Variants in DIAPH2 observed in about 807,000 individuals in gnomAD.
The protein encoded by DIAPH2 is protein diaphanous homolog 2.
DIAPH2 carries 35 observed loss-of-function variants against 92.7 expected under a neutral mutation model. That is an observed-to-expected ratio of 0.38 (90% CI 0.29 to 0.50). DIAPH2 has a LOEUF of 0.50. Among genes scored for constraint, DIAPH2 ranks in the 20% least tolerant of loss-of-function variants. The pLI is 0.94. For missense variants in DIAPH2, 701 were observed against 819.5 expected, an observed-to-expected ratio of 0.86 and a Z score of 1.77; for synonymous variants, 301 against 280.4, an observed-to-expected ratio of 1.07 and a Z score of -0.73.
intron 1 of DIAPH2, among the ~76,000 whole-genome samples, chrX:96,714,266 T>TG (rs1381724991): frequency 2.3e-3 from 218 of 93,449 alleles, no homozygotes; most frequent in African/African-American, 7.2e-3. Context: ...TGTGTGTGTG[T>TG]TTTTTTTTTT....
chrX:97,018,375 C>T (rs773668445), intron 17 of DIAPH2, among the ~76,000 whole-genome samples: 1 of 112,257 alleles, frequency 8.9e-6, no homozygotes, highest in East Asian at 2.8e-4. Flanking sequence ...GGTAGTAAAA[C>T]AAGATTCAGG....
At chrX:96,833,648 C>G (rs1222671657) in intron 4 of DIAPH2, among the ~76,000 whole-genome samples, 1 of 110,892 alleles carries the variant, frequency 9.0e-6, no homozygotes, top group East Asian at 2.8e-4. Flanking sequence ...TGACTTTTCT[C>G]AGGGGTTTAT....
rs780428162 is a variant in DIAPH2 at position 97,369,022 on chromosome X, C to G, written c.3010-14887C>G. ...TCCCAGGTTCAAGCGATACTCCTGC[C>G]TTAGCCTCCCGAGCAGCTGGGATTA... On this transcript the variant is annotated intron_variant, in intron 24 of 26. Coordinates refer to ENST00000324765, the MANE Select transcript of DIAPH2 (RefSeq NM_006729.5). 2.0e-4 allele frequency among the ~76,000 whole-genome samples: 21 copies of G among 106,778 alleles called. No homozygotes were observed. The Admixed American group carries it at 2.2e-3, about 11-fold the overall frequency. 92.7% of individuals were successfully genotyped at this position (106,778 alleles called of 115,157 possible).
intron 23 of DIAPH2, among the ~76,000 whole-genome samples, chrX:97,301,100 G>C (rs772136244): frequency 1.0e-5 from 1 of 97,767 alleles, no homozygotes; most frequent in Admixed American, 1.2e-4. Context: ...TCAGGAGATC[G>C]ACATCGCGCC....
At chrX:97,553,560 C>T (rs780356992) in intron 26 of DIAPH2, among the ~76,000 whole-genome samples, 2 of 109,831 alleles carry the variant, frequency 1.8e-5, no homozygotes, top group African/African-American at 6.6e-5. Flanking sequence ...GTATTCAAGT[C>T]CAGTGTAGCC....
chrX:96,780,207 A>G (rs937839701), intron 4 of DIAPH2, among the ~76,000 whole-genome samples: 1 of 112,188 alleles, frequency 8.9e-6, no homozygotes, highest in Non-Finnish European at 1.9e-5. Flanking sequence ...CTGGTGTTAG[A>G]TGTTAATGTT....
intron 23 of DIAPH2, among the ~76,000 whole-genome samples, chrX:97,267,363 C>T (rs191711180): frequency 2.0e-4 from 22 of 111,586 alleles, no homozygotes; most frequent in African/African-American, 6.8e-4. Context: ...ATATTTTAAT[C>T]CATTAAAATG....
chrX:96,707,193 G>A lies in DIAPH2; in HGVS notation c.132+22003G>A, dbSNP rs577102704. On this transcript the variant is annotated intron_variant, in intron 1 of 26. Transcript: ENST00000324765. ...TGATGGATTGATTGATTTAGAGACA[G>A]AGTCTCGCTCAGTTGCCCAGGCTGG... Among the ~76,000 whole-genome samples the A allele has an allele frequency of 5.1e-4, 56 of 109,469 alleles. 1 individual carries two copies. The highest frequency in any genetic ancestry group is 1.8e-3 in the African/African-American group (53 of 30,070).
At chrX:97,325,283 T>G (rs1423934226) in intron 23 of DIAPH2, among the ~76,000 whole-genome samples, 4 of 111,888 alleles carry the variant, frequency 3.6e-5, no homozygotes, top group Non-Finnish European at 7.5e-5. Context: ...GAGTGCAATC[T>G]GCATCTGCAA....
At chrX:97,402,207 C>CATGT (rs34282780) in intron 25 of DIAPH2, among the ~76,000 whole-genome samples, 1 of 99,842 alleles carries the variant, frequency 1.0e-5, no homozygotes, top group African/African-American at 3.6e-5. Context: ...TCATTTGCAT[C>CATGT]GTGTGTGTGT....
At chrX:97,413,402 A>G (rs2069901427) in intron 25 of DIAPH2, among the ~76,000 whole-genome samples, 2 of 111,527 alleles carry the variant, frequency 1.8e-5, no homozygotes, top group South Asian at 7.7e-4. Flanking sequence ...GATGGAACAT[A>G]TCTCAAAATA....
At chrX:97,110,978 G>A (rs1380603003) in intron 20 of DIAPH2, among the ~76,000 whole-genome samples, 3 of 102,764 alleles carry the variant, frequency 2.9e-5, no homozygotes, top group East Asian at 2.9e-4. Flanking sequence ...ACGAGACTCC[G>A]TCTCAAAAAA....
chrX:97,351,060 T>C (rs1289382940), intron 24 of DIAPH2, among the ~76,000 whole-genome samples: 1 of 112,527 alleles, frequency 8.9e-6, no homozygotes, highest in Non-Finnish European at 1.9e-5. Flanking sequence ...CTTTGCCTTA[T>C]ATAACAGTAC....
At chrX:96,859,699 T>C (rs1298096911) in intron 4 of DIAPH2, among the ~76,000 whole-genome samples, 2 of 109,278 alleles carry the variant, frequency 1.8e-5, no homozygotes, top group Non-Finnish European at 3.8e-5. Context: ...TGGAGTGCAG[T>C]GGTGCAGTCT....
chrX:97,369,416 ATGCT>A, intron 24 of DIAPH2, among the ~76,000 whole-genome samples: 1 of 68,484 alleles, frequency 1.5e-5, no homozygotes. Context: ...GTTTAAAGGT[ATGCT>A]TGCTCTATAA....
At chrX:96,785,047 G>C (rs1344918397) in intron 4 of DIAPH2, among the ~76,000 whole-genome samples, 1 of 111,855 alleles carries the variant, frequency 8.9e-6, no homozygotes, top group Non-Finnish European at 1.9e-5. Context: ...TTATTTCCAA[G>C]GTATGTTGTG....
At chrX:97,102,109 C>T (rs1425905471) in intron 20 of DIAPH2, among the ~76,000 whole-genome samples, 2 of 112,504 alleles carry the variant, frequency 1.8e-5, no homozygotes, top group Non-Finnish European at 3.8e-5. Flanking sequence ...CGCATTCTCA[C>T]TGTATCTCTG....
chrX:97,405,321 G>T lies in DIAPH2; in HGVS notation c.3145+21277G>T, dbSNP rs781335901. ...CTCCCTCGCATCCCTATGCTGGAGT[G>T]GGGGCAAGGGACAGAGTTTTGGGAG... On this transcript the variant is annotated intron_variant, in intron 25 of 26. Coordinates refer to ENST00000324765, the MANE Select transcript of DIAPH2 (RefSeq NM_006729.5). Among the ~76,000 whole-genome samples, 92 of 112,114 alleles carry T rather than the reference G, an allele frequency of 8.2e-4. 2 individuals carry two copies. The Middle Eastern group carries it at 0.023, about 29-fold the overall frequency.
intron 17 of DIAPH2, among the ~76,000 whole-genome samples, chrX:97,015,256 C>T: frequency 9.0e-6 from 1 of 111,527 alleles, no homozygotes. Flanking sequence ...AAATATTCTG[C>T]AATACTAACT....
Sources: gnomAD v4.1 joint callset for allele counts (sites outside exome capture counted in the v4.1 genomes callset) on GRCh38, gnomAD v4.1.1 for gene constraint, MANE v1.5 for transcripts, NCBI Gene and HGNC (gene_info 2026-07-23, HGNC 2026-07-21) for gene names.